Variants in STPG2 observed in about 807,000 individuals in gnomAD.
STPG2 encodes sperm-tail PG-rich repeat-containing protein 2.
In STPG2, 56 loss-of-function variants were observed where a neutral mutation model predicts 54.2. The observed-to-expected ratio is 1.03, with a 90% confidence interval of 0.83 to 1.29. The LOEUF is 1.29. Ranked by LOEUF, STPG2 falls within the 50% of genes most tolerant of loss-of-function variation. The pLI is 0.00. For missense variants in STPG2, 596 were observed against 544.9 expected (o/e 1.09, Z -0.93); for synonymous variants, 200 against 181.8 (o/e 1.10, Z -0.81).
chr4:97,752,921 C>T (rs1446478849), intron 9 of STPG2, among the ~76,000 whole-genome samples: 1 of 151,780 alleles, frequency 6.6e-6, no homozygotes, highest in Non-Finnish European at 1.5e-5. Context: ...AGAGTGTCTT[C>T]CCATCAGATG....
chr4:98,089,666 C>T (rs1738625558), intron 5 of STPG2, among the ~76,000 whole-genome samples: 1 of 151,032 alleles, frequency 6.6e-6, no homozygotes, highest in Non-Finnish European at 1.5e-5. Context: ...TACATTCCCA[C>T]CAGCAGTGAA....
At chr4:97,644,051 C>T (rs1721839127) in intron 10 of STPG2, among the ~76,000 whole-genome samples, 1 of 151,818 alleles carries the variant, frequency 6.6e-6, no homozygotes, top group Non-Finnish European at 1.5e-5. Context: ...AGTTCACCTG[C>T]CACCTGTCCA....
chr4:97,919,726 A>G (rs1484893805), intron 8 of STPG2, among the ~76,000 whole-genome samples: 1 of 152,190 alleles, frequency 6.6e-6, no homozygotes, highest in Non-Finnish European at 1.5e-5. Flanking sequence ...GAATTCTTAT[A>G]AATATTTAAG....
intron 9 of STPG2, among the ~76,000 whole-genome samples, chr4:97,736,907 T>C (rs1725019057): frequency 2.0e-5 from 3 of 152,158 alleles, no homozygotes; most frequent in Admixed American, 2.0e-4. Context: ...GACTGCCTTG[T>C]CAAGTGGGTC....
intron 10 of STPG2, among the ~76,000 whole-genome samples, chr4:97,701,584 C>G (rs1449078522): frequency 6.6e-6 from 1 of 152,190 alleles, no homozygotes; most frequent in Non-Finnish European, 1.5e-5. Context: ...TCAAGGGGTT[C>G]TGGATCTGTA....
At chr4:98,104,039 G>A (rs1181983759) in intron 5 of STPG2, among the ~76,000 whole-genome samples, 1 of 152,060 alleles carries the variant, frequency 6.6e-6, no homozygotes, top group Non-Finnish European at 1.5e-5. Flanking sequence ...TAGCTTCTGT[G>A]ATGACCACCT....
intron 10 of STPG2, among the ~76,000 whole-genome samples, chr4:97,637,383 A>C (rs993288889): frequency 3.9e-5 from 6 of 152,170 alleles, no homozygotes; most frequent in South Asian, 2.1e-4. Context: ...CACAGCCAAT[A>C]TCATACTGAA....
chr4:97,863,876 A>C (rs1333101549), intron 8 of STPG2, among the ~76,000 whole-genome samples: 5 of 152,340 alleles, frequency 3.3e-5, no homozygotes, highest in Middle Eastern at 6.8e-3. Context: ...TAGATGCAGA[A>C]AAGGCCTTTG....
chr4:97,948,774 G>T (rs1329435370), intron 7 of STPG2, among the ~76,000 whole-genome samples: 1 of 151,990 alleles, frequency 6.6e-6, no homozygotes, highest in Non-Finnish European at 1.5e-5. Context: ...GATCTGAGAA[G>T]ATACTTGCTA....
intron 9 of STPG2, among the ~76,000 whole-genome samples, chr4:97,838,778 A>G (rs1728707431): frequency 6.6e-6 from 1 of 151,566 alleles, no homozygotes; most frequent in Non-Finnish European, 1.5e-5. Flanking sequence ...TAATTCCATA[A>G]TTACTACAAT....
chr4:97,518,437 G>T (rs915844493), intron 4 of STPG2, among the ~76,000 whole-genome samples: 2 of 152,044 alleles, frequency 1.3e-5, no homozygotes, highest in African/African-American at 4.8e-5. Context: ...AAGGTTAAAA[G>T]TTATGACATG....
chr4:97,753,320 G>C (rs1161643983), intron 9 of STPG2, among the ~76,000 whole-genome samples: 1 of 151,834 alleles, frequency 6.6e-6, no homozygotes, highest in Non-Finnish European at 1.5e-5. Context: ...CACGCAAGTG[G>C]AACTGTACAA....
At chr4:98,010,493 C>T (rs1047511877) in intron 5 of STPG2, among the ~76,000 whole-genome samples, 1 of 152,136 alleles carries the variant, frequency 6.6e-6, no homozygotes, top group Non-Finnish European at 1.5e-5. Flanking sequence ...CAACGCTTCC[C>T]ATTCAATGTA....
chr4:97,906,878 G>C (rs1383016072), intron 8 of STPG2, among the ~76,000 whole-genome samples: 1 of 151,976 alleles, frequency 6.6e-6, no homozygotes, highest in Non-Finnish European at 1.5e-5. Context: ...AAAATAATAA[G>C]AGCTATCTAT....
At chr4:98,030,180 A>G (rs28795113) in intron 5 of STPG2, among the ~76,000 whole-genome samples, 59,909 of 152,000 alleles carry the variant, frequency 0.39, 12,034 homozygotes, top group Middle Eastern at 0.46. Flanking sequence ...GTTGTTTTGC[A>G]CCAGTAAAAA....
At chr4:97,495,351 A>T (rs1730583587) in intron 4 of STPG2, among the ~76,000 whole-genome samples, 1 of 151,524 alleles carries the variant, frequency 6.6e-6, no homozygotes. Context: ...TAAAAACACA[A>T]GACATCAGTT....
At position 97,592,186 on chromosome 4, in the gene STPG2, T is replaced by C. The variant is rs1733162539; in HGVS notation, c.1321-33069A>G. On this transcript the variant is annotated intron_variant, in intron 10 of 10. Transcript: ENST00000295268. ...AATTGGTAAAATTTTTTAATTACCA[T>C]ACTGGGACTGGAGAACCCAAACTAA... Among the ~76,000 whole-genome samples the C allele has an allele frequency of 2.0e-5, 3 of 152,212 alleles. No homozygotes were observed. In the South Asian group the frequency reaches 6.2e-4, roughly 32 times the overall value.
chr4:97,585,061 C>T (rs1732956706), intron 10 of STPG2, among the ~76,000 whole-genome samples: 1 of 139,308 alleles, frequency 7.2e-6, no homozygotes, highest in African/African-American at 2.9e-5. Flanking sequence ...ACATAAAAGT[C>T]CCCCTAATAC....
At chr4:97,662,482 A>G (rs1722400757) in intron 10 of STPG2, among the ~76,000 whole-genome samples, 1 of 152,190 alleles carries the variant, frequency 6.6e-6, no homozygotes, top group African/African-American at 2.4e-5. Flanking sequence ...AAAGAGAATT[A>G]CCATTCAACC....
Sources: gnomAD v4.1 joint callset for allele counts (sites outside exome capture counted in the v4.1 genomes callset) on GRCh38, gnomAD v4.1.1 for gene constraint, MANE v1.5 for transcripts, NCBI Gene and HGNC (gene_info 2026-07-23, HGNC 2026-07-21) for gene names.